Variants in THUMPD2 observed in about 807,000 individuals in gnomAD.
The protein encoded by THUMPD2 is U6 snRNA (guanine-N(2))-methyltransferase THUMPD2.
THUMPD2 carries 56 observed loss-of-function variants against 49.4 expected under a neutral mutation model. The ratio of observed to expected loss-of-function variants is 1.13; its 90% CI spans 0.91 to 1.41. The LOEUF (loss-of-function observed/expected upper bound fraction) is 1.41, where lower values mean the gene tolerates loss of function less well. Among genes scored for constraint, THUMPD2 ranks in the 40% most tolerant of loss-of-function variants. The pLI is 0.00. For synonymous variants in THUMPD2, 237 were observed against 205.2 expected (o/e 1.15, Z -1.32); for missense variants, 709 against 594.5 (o/e 1.19, Z -2.00).
chr2:39,770,249 C>A, intron 2 of THUMPD2, 130 bp from the exon 3 acceptor site: 1 of 626,212 alleles, frequency 1.6e-6, no homozygotes, highest in East Asian at 3.4e-5. Context: ...CGAATAACTT[C>A]ACTTTCATTT....
rs77732147 is a variant in THUMPD2, at chr2:39,755,531, A to T, written c.964-122T>A. 1,176 of 667,722 alleles carry T rather than the reference A, an allele frequency of 1.8e-3. 11 individuals are homozygous for T. Among genetic ancestry groups the T allele is most frequent in the African/African-American group, 0.016 (823 of 52,658 alleles). 41.4% of individuals were successfully genotyped at this position (667,722 alleles called of 1,614,324 possible). A position where few individuals can be genotyped will look rare whatever the true frequency, so the allele number is the denominator to read the frequency against. On this transcript the variant is annotated intron_variant, in intron 7 of 9. Coordinates refer to ENST00000505747, the MANE Select transcript of THUMPD2 (RefSeq NM_025264.5). ...TTAGTAGATTTTAAATTCAGGTCAA[A>T]ACACATTTAGGGTATTCTTTTAAAA...
rs748134453 is a variant in THUMPD2 at position 39,768,457 on chromosome 2, T to C, written c.717A>G (p.Gly239=). The C allele has an allele frequency of 3.7e-6, 6 of 1,612,916 alleles. No individual in the cohort carries two copies. The highest frequency in any genetic ancestry group is 1.3e-5 in the African/African-American group (1 of 74,898). ...VIGIAIMKHF[G]WKADLRNPQL... ...GTGGATTCCTCAAGTCTGCTTTCCA[T>C]CCAAAGTGTTTCATAATAGCAATTC... The change falls in exon 4 of 10, where the codon GGA becomes GGG. Residue 239 remains glycine (G), a synonymous_variant. Coordinates refer to ENST00000505747, the MANE Select transcript of THUMPD2 (RefSeq NM_025264.5).
intron 9 of THUMPD2, among the ~76,000 whole-genome samples, chr2:39,739,454 G>A (rs917962): frequency 0.57 from 85,918 of 151,964 alleles, 25,102 homozygotes; most frequent in East Asian, 0.75. Flanking sequence ...AGCTAGGGTA[G>A]CCACTACTTT....
At chr2:39,742,538 T>C (rs971812893) in intron 9 of THUMPD2, among the ~76,000 whole-genome samples, 1 of 152,186 alleles carries the variant, frequency 6.6e-6, no homozygotes, top group Non-Finnish European at 1.5e-5. Context: ...CTTGTAGAGG[T>C]GCTATAATAT....
At chr2:39,770,184 C>T (rs1479632260) in intron 2 of THUMPD2, 65 bp from the exon 3 acceptor site, 3 of 1,126,550 alleles carry the variant, frequency 2.7e-6, no homozygotes, top group Non-Finnish European at 3.5e-6. Context: ...ACAATCATCA[C>T]CCTCAAACTC....
At position 39,746,838 on chromosome 2, in the gene THUMPD2, CT is replaced by C. The variant is rs550980591; in HGVS notation, c.1079-2361del. Among the ~76,000 whole-genome samples, 10 of 152,226 alleles carry C rather than the reference CT, an allele frequency of 6.6e-5. 1 individual carries two copies. The South Asian group carries it at 2.1e-3, about 32-fold the overall frequency. On this transcript the variant is annotated intron_variant, in intron 8 of 9. Transcript: ENST00000505747. ...AACTAAAGACCAGGTTCATTGAGCA[CT>C]TTTATAAAACTGAACATATCCTTCT...
At chr2:39,775,512 G>A (rs1027199597) in intron 1 of THUMPD2, among the ~76,000 whole-genome samples, 65 of 152,152 alleles carry the variant, frequency 4.3e-4, no homozygotes, top group African/African-American at 1.5e-3. Context: ...GCTCATGCCT[G>A]TAATCCCAGC....
At chr2:39,762,581 T>C (rs1388725200) in intron 5 of THUMPD2, among the ~76,000 whole-genome samples, 1 of 151,914 alleles carries the variant, frequency 6.6e-6, no homozygotes, top group Non-Finnish European at 1.5e-5. Context: ...TTGTAAACAG[T>C]ACTGTATATA....
intron 9 of THUMPD2, among the ~76,000 whole-genome samples, chr2:39,739,864 A>C (rs557300330): frequency 1.3e-5 from 2 of 152,328 alleles, no homozygotes; most frequent in Non-Finnish European, 2.9e-5. Flanking sequence ...ACAGAAACTG[A>C]AGTAACTTTT....
At chr2:39,763,295 G>A (rs954446609) in intron 5 of THUMPD2, among the ~76,000 whole-genome samples, 2 of 151,786 alleles carry the variant, frequency 1.3e-5, no homozygotes, top group African/African-American at 4.8e-5. Context: ...ACATTTTTAT[G>A]TGGAAGATAA....
chr2:39,776,635 C>T (rs1337281545), intron 1 of THUMPD2, among the ~76,000 whole-genome samples: 2 of 152,142 alleles, frequency 1.3e-5, no homozygotes, highest in East Asian at 3.8e-4. Flanking sequence ...AGGTAATCTG[C>T]CCGGCTTGGC....
At chr2:39,772,046 A>C (rs1327418491) in intron 1 of THUMPD2, among the ~76,000 whole-genome samples, 3 of 152,222 alleles carry the variant, frequency 2.0e-5, no homozygotes, top group African/African-American at 7.2e-5. Context: ...AAGAAAACTA[A>C]AAAGTTTTAA....
In THUMPD2 at chr2:39,768,513, C is replaced by T. The variant is rs764664623; in HGVS notation, c.673-12G>A. On this transcript the variant is annotated splice_polypyrimidine_tract_variant and intron_variant, in intron 3 of 9. Transcript: ENST00000505747. ...ACTTTTCCTACCTCCTGGAAAAGTA[C>T]CAAGTTAAAGAAAAGAATACTAAAA... 2 of 1,599,686 alleles carry T rather than the reference C, an allele frequency of 1.3e-6. No individual in the cohort carries two copies. Among genetic ancestry groups the T allele is most frequent in the African/African-American group, 1.3e-5 (1 of 74,138 alleles).
chr2:39,742,978 A>C (rs1674104696), intron 9 of THUMPD2, among the ~76,000 whole-genome samples: 1 of 152,186 alleles, frequency 6.6e-6, no homozygotes, highest in African/African-American at 2.4e-5. Flanking sequence ...ATATTTCAAG[A>C]GTTAGGCAAC....
rs1209023482 is a variant in THUMPD2 at position 39,744,479 on chromosome 2, C to A, written c.1079-1G>T. ...ACACTTTCTGAAGGCAATGGCAATTCTGAAATATAGAAATCAGAGAATCCT... is the reference window on the plus strand; with the variant it reads ...ACACTTTCTGAAGGCAATGGCAATTATGAAATATAGAAATCAGAGAATCCT... On this transcript the variant is annotated splice_acceptor_variant, in intron 8 of 9. Transcript: ENST00000505747. LOFTEE classifies it high-confidence loss of function. 1 of 1,548,990 alleles carries A rather than the reference C, an allele frequency of 6.5e-7. No individual in the cohort carries two copies.
intron 9 of THUMPD2, among the ~76,000 whole-genome samples, chr2:39,743,325 T>G (rs535540726): frequency 1.3e-4 from 20 of 152,322 alleles, no homozygotes; most frequent in African/African-American, 4.6e-4. Flanking sequence ...TTTAAACCAT[T>G]AGAAAAATGC....
intron 9 of THUMPD2, among the ~76,000 whole-genome samples, chr2:39,739,366 T>C (rs1343570855): frequency 6.6e-6 from 1 of 152,206 alleles, no homozygotes; most frequent in Non-Finnish European, 1.5e-5. Context: ...CTGTTCACCC[T>C]GCGTTTATCA....
chr2:39,753,647 A>G lies in THUMPD2; in HGVS notation c.1078+1648T>C, dbSNP rs527286494. The stretch of plus-strand genomic sequence containing the variant: ...CACCATCCGTCTTCCCCATCTCAGT[A>G]ACGACAACTCAATCCTCTAGCTGCT... On this transcript the variant is annotated intron_variant, in intron 8 of 9. Coordinates refer to ENST00000505747, the MANE Select transcript of THUMPD2 (RefSeq NM_025264.5). Among the ~76,000 whole-genome samples the G allele has an allele frequency of 2.0e-5, 3 of 152,320 alleles. No homozygotes were observed. In the East Asian group the frequency reaches 5.8e-4, roughly 29 times the overall value.
At position 39,749,599 on chromosome 2, in the gene THUMPD2, T is replaced by C. The variant is rs1675112178; in HGVS notation, c.1079-5121A>G. Among the ~76,000 whole-genome samples, 3 of 152,144 alleles carry C rather than the reference T, an allele frequency of 2.0e-5. 1 individual carries two copies. In the South Asian group the frequency reaches 6.2e-4, roughly 32 times the overall value. ...CATTCTTAGAATTACTAAGTTTTTA[T>C]TTTTTTTCCTTCAACTTTTAAGTTC... On this transcript the variant is annotated intron_variant, in intron 8 of 9. Coordinates refer to ENST00000505747, the MANE Select transcript of THUMPD2 (RefSeq NM_025264.5).
Sources: allele counts gnomAD v4.1 joint callset (sites outside exome capture counted in the v4.1 genomes callset), GRCh38; gene constraint gnomAD v4.1.1; transcripts MANE v1.5; gene names NCBI Gene and HGNC (gene_info 2026-07-23, HGNC 2026-07-21).